OR8B2: variants seen among roughly 807,000 people sequenced by gnomAD.
The protein encoded by OR8B2 is olfactory receptor family 8 subfamily B member 2, also known as olfactory receptor 8B2.
For missense variants in OR8B2, 304 were observed against 379.6 expected (o/e 0.80, Z 1.65); for synonymous variants, 98 against 138.2 (o/e 0.71, Z 2.04).
the OR8B2 span, among the ~76,000 whole-genome samples, chr11:124,395,187 C>T: frequency 6.6e-6 from 1 of 151,724 alleles, no homozygotes; most frequent in Non-Finnish European, 1.5e-5. Context: ...CCACTTGAGC[C>T]CAGGAGGTGG....
chr11:124,385,910 A>C (rs1441627020), upstream of OR8B2, among the ~76,000 whole-genome samples: 1 of 152,084 alleles, frequency 6.6e-6, no homozygotes, highest in Non-Finnish European at 1.5e-5. Flanking sequence ...TTGGGATTAC[A>C]GGCATGAACC....
upstream of OR8B2, among the ~76,000 whole-genome samples, chr11:124,389,220 A>T (rs1026031432): frequency 3.9e-5 from 6 of 152,186 alleles, no homozygotes; most frequent in African/African-American, 1.4e-4. Flanking sequence ...ACTAAGAGGG[A>T]TAATCAATTG....
chr11:124,383,871 G>A (rs1860650666), intron 1 of OR8B2, among the ~76,000 whole-genome samples: 1 of 152,162 alleles, frequency 6.6e-6, no homozygotes, highest in Non-Finnish European at 1.5e-5. Context: ...GATAAAAGAA[G>A]ACCCTTAGTA....
upstream of OR8B2, among the ~76,000 whole-genome samples, chr11:124,385,455 A>G (rs542587472): frequency 2.0e-5 from 3 of 152,010 alleles, no homozygotes; most frequent in African/African-American, 7.2e-5. Context: ...CAATAATGTT[A>G]AAGAAACTAC....
the OR8B2 span, among the ~76,000 whole-genome samples, chr11:124,389,517 T>C: frequency 0.4 from 60,786 of 151,820 alleles, 13,612 homozygotes; most frequent in African/African-American, 0.63. Context: ...TGTGTCTCTT[T>C]TCACTTTTCT....
the OR8B2 span, among the ~76,000 whole-genome samples, chr11:124,394,022 G>A: frequency 1.6e-4 from 23 of 145,196 alleles, no homozygotes; most frequent in Admixed American, 7.2e-5. Context: ...ACCAAACACC[G>A]CGTATTCTCA....
upstream of OR8B2, among the ~76,000 whole-genome samples, chr11:124,386,321 T>G (rs113478472): frequency 0.024 from 3,574 of 149,836 alleles, 175 homozygotes; most frequent in African/African-American, 0.084. Flanking sequence ...GTTAGTTACA[T>G]ATGTATACAT....
the OR8B2 span, chr11:124,396,620 A>C: frequency 6.2e-7 from 1 of 1,612,266 alleles, no homozygotes; most frequent in African/African-American, 1.3e-5. Context: ...GAGCAATGAC[A>C]TGAGAGCTAC....
At chr11:124,393,018 A>T in the OR8B2 span, among the ~76,000 whole-genome samples, 17 of 145,700 alleles carry the variant, frequency 1.2e-4, no homozygotes, top group East Asian at 1.4e-3. Flanking sequence ...TGGGGAAAGG[A>T]TTCCCTATTT....
chr11:124,383,030 A>G lies in OR8B2; in HGVS notation c.314T>C (p.Leu105Pro). 6.2e-7 allele frequency: 1 copy of G among 1,613,908 alleles called. No homozygotes were observed. Among genetic ancestry groups the G allele is most frequent in the Non-Finnish European group, 8.5e-7 (1 of 1,179,868 alleles). The change falls in exon 2 of 2, where the codon CTC becomes CCC. Residue 105 changes from leucine to proline, a missense_variant. By Grantham distance (98) the Leu-to-Pro change is moderately conservative. Coordinates refer to ENST00000641451, the MANE Select transcript of OR8B2 (RefSeq NM_001005468.2). The part of the protein sequence containing the change: ...VGCMTRLFFF[L>P]FFVISECYML... ...GTAACATTCAGAGATGACGAAAAAG[A>G]GAAAGAAAAACAGCCGAGTCATGCA...
the OR8B2 span, chr11:124,396,357 C>T: frequency 6.9e-7 from 1 of 1,449,796 alleles, no homozygotes; most frequent in Non-Finnish European, 9.3e-7. Flanking sequence ...TCATGGAACA[C>T]ACTAATAAAA....
At chr11:124,393,586 C>T in the OR8B2 span, among the ~76,000 whole-genome samples, 2,197 of 150,074 alleles carry the variant, frequency 0.015, no homozygotes, top group African/African-American at 0.052. Flanking sequence ...CCAGTTAAAA[C>T]GGCAATCATT....
chr11:124,397,283 G>T, the OR8B2 span: 1 of 1,259,676 alleles, frequency 7.9e-7, no homozygotes, highest in East Asian at 2.3e-5. Flanking sequence ...GGGGTTGCTG[G>T]AACTCTGGAT....
At chr11:124,397,115 G>T in the OR8B2 span, 2 of 1,613,436 alleles carry the variant, frequency 1.2e-6, no homozygotes, top group Middle Eastern at 1.6e-4. Context: ...TTAGCATTTT[G>T]GGAGTGAAAA....
chr11:124,391,633 C>A, the OR8B2 span, among the ~76,000 whole-genome samples: 2 of 152,112 alleles, frequency 1.3e-5, no homozygotes, highest in South Asian at 4.2e-4. Flanking sequence ...GCTTACCAAC[C>A]AAAAAGAGTC....
At chr11:124,393,277 A>G in the OR8B2 span, among the ~76,000 whole-genome samples, 2 of 142,482 alleles carry the variant, frequency 1.4e-5, no homozygotes, top group African/African-American at 2.9e-5. Context: ...ATCTAATTAA[A>G]TGAAAGAGCT....
At chr11:124,385,522 GTC>G (rs1217894132), upstream of OR8B2, among the ~76,000 whole-genome samples, 2 of 148,640 alleles carry the variant, frequency 1.3e-5, no homozygotes, top group South Asian at 2.1e-4. Context: ...GTGTGTGTGT[GTC>G]TGTGTGTGTG....
chr11:124,382,477 G>C lies in OR8B2; in HGVS notation c.867C>G (p.Tyr289Ter), dbSNP rs1299676505. 1 of 1,613,986 alleles carries C rather than the reference G, an allele frequency of 6.2e-7. No homozygotes were observed. Among genetic ancestry groups the C allele is most frequent in the Non-Finnish European group, 8.5e-7 (1 of 1,179,954 alleles). The change falls in exon 2 of 2, where the codon TAC becomes TAG. Residue 289 changes from tyrosine (Y) to a stop codon, truncating the protein, a stop_gained. Coordinates refer to ENST00000641451, the MANE Select transcript of OR8B2 (RefSeq NM_001005468.2). LOFTEE classifies it low-confidence loss of function (END_TRUNC). ...NVVPMLNPLI[Y>*]SLRNKDVKVA... Reference sequence around the variant, plus strand: ...CTTTGACATCCTTGTTCCTCAAACTGTAGATGAGGGGATTGAGCATGGGCA... The same window carrying C: ...CTTTGACATCCTTGTTCCTCAAACTCTAGATGAGGGGATTGAGCATGGGCA...
At chr11:124,395,365 G>A in the OR8B2 span, among the ~76,000 whole-genome samples, 1 of 152,056 alleles carries the variant, frequency 6.6e-6, no homozygotes, top group African/African-American at 2.4e-5. Flanking sequence ...ACATGAACAG[G>A]AAAAGAATTC....
Sources: gnomAD v4.1 joint callset for allele counts (sites outside exome capture counted in the v4.1 genomes callset) on GRCh38, gnomAD v4.1.1 for gene constraint, MANE v1.5 for transcripts, NCBI Gene and HGNC (gene_info 2026-07-23, HGNC 2026-07-21) for gene names.